The following COL19A1 variants were observed in gnomAD, a reference collection of about 807,000 sequenced individuals.
The protein encoded by COL19A1 is collagen type XIX alpha 1 chain.
Under a neutral mutation model 190.2 loss-of-function variants are expected in COL19A1, and 159 were observed. The ratio of observed to expected loss-of-function variants is 0.84; its 90% CI spans 0.73 to 0.95. The LOEUF (loss-of-function observed/expected upper bound fraction) is 0.95. Ranked by LOEUF, COL19A1 falls within the 40% of genes least tolerant of loss-of-function variation. The probability of loss-of-function intolerance (pLI) is 0.00; values close to 1 mark genes in which losing one functional copy is unlikely to be tolerated. For synonymous variants in COL19A1, 509 were observed against 458.9 expected (o/e 1.11, Z -1.39); for missense variants, 1,418 against 1,431.9 (o/e 0.99, Z 0.16).
chr6:70,056,223 A>C (rs1215061126), intron 14 of COL19A1, among the ~76,000 whole-genome samples: 1 of 152,136 alleles, frequency 6.6e-6, no homozygotes, highest in African/African-American at 2.4e-5. Context: ...CACATCTAAA[A>C]ATGTTTTGTT....
intron 31 of COL19A1, among the ~76,000 whole-genome samples, chr6:70,153,971 T>A (rs1177808138): frequency 1.3e-5 from 2 of 152,246 alleles, no homozygotes; most frequent in African/African-American, 4.8e-5. Context: ...GCATTTTTTT[T>A]ATGTACTTTA....
rs560765182 is a variant in COL19A1 at position 70,201,133 on chromosome 6, G to A, written c.3223+1397G>A. Among the ~76,000 whole-genome samples, 20 of 152,282 alleles carry A rather than the reference G, an allele frequency of 1.3e-4. No individual in the cohort carries two copies. In the South Asian group the frequency reaches 2.1e-3, roughly 16 times the overall value. ...GAAAATGTGTAATGCCTCAAGCCACGTGAAGAATAAGCAGCGTTAACACCA... is the reference window on the plus strand; with the variant it reads ...GAAAATGTGTAATGCCTCAAGCCACATGAAGAATAAGCAGCGTTAACACCA... On this transcript the variant is annotated intron_variant, in intron 49 of 50. Coordinates refer to ENST00000620364, the MANE Select transcript of COL19A1 (RefSeq NM_001858.6).
chr6:70,021,902 C>T (rs1279070564), intron 11 of COL19A1, among the ~76,000 whole-genome samples: 3 of 152,132 alleles, frequency 2.0e-5, no homozygotes, highest in African/African-American at 4.8e-5. Context: ...GCTTAAAATC[C>T]TCAGCTTTAT....
chr6:70,058,054 C>T (rs527400073), intron 14 of COL19A1, among the ~76,000 whole-genome samples: 1 of 152,148 alleles, frequency 6.6e-6, no homozygotes, highest in South Asian at 2.1e-4. Flanking sequence ...CAACATCATT[C>T]CAGATTCACA....
At chr6:69,886,006 T>G (rs878992614) in intron 2 of COL19A1, among the ~76,000 whole-genome samples, 29 of 152,108 alleles carry the variant, frequency 1.9e-4, no homozygotes, top group Admixed American at 1.9e-3. Context: ...ACTAAAACAC[T>G]TATACACAGT....
At chr6:70,047,420 T>A (rs1277202764) in intron 14 of COL19A1, among the ~76,000 whole-genome samples, 1 of 152,140 alleles carries the variant, frequency 6.6e-6, no homozygotes, top group African/African-American at 2.4e-5. Flanking sequence ...AAGGTCATAA[T>A]GAAAATCTGA....
intron 7 of COL19A1, 29 bp from the exon 8 acceptor site, chr6:69,936,756 A>AT (rs1431960205): frequency 6.2e-7 from 1 of 1,610,324 alleles, no homozygotes; most frequent in Non-Finnish European, 8.5e-7. Context: ...AATTGACCCC[A>AT]TTTCCTAAAG....
At chr6:70,051,456 G>C (rs1780195601) in intron 14 of COL19A1, among the ~76,000 whole-genome samples, 1 of 152,084 alleles carries the variant, frequency 6.6e-6, no homozygotes, top group South Asian at 2.1e-4. Context: ...CTTGCCCCCA[G>C]GTACCAGAAA....
chr6:70,036,093 G>T (rs754275982), intron 14 of COL19A1, among the ~76,000 whole-genome samples, 154 bp downstream of exon 14: 1 of 152,158 alleles, frequency 6.6e-6, no homozygotes, highest in Non-Finnish European at 1.5e-5. Flanking sequence ...TTTAAAGATG[G>T]GGCATCTGCC....
Position 70,146,643 on chromosome 6 carries a change from A to ATTTTTTT in COL19A1, c.1771-16_1771-15insTTTTTTT. 1 of 1,592,666 alleles carries ATTTTTTT rather than the reference A, an allele frequency of 6.3e-7. No individual in the cohort carries two copies. On this transcript the variant is annotated splice_polypyrimidine_tract_variant and intron_variant, in intron 25 of 50. Coordinates refer to ENST00000620364, the MANE Select transcript of COL19A1 (RefSeq NM_001858.6). ...TTTCTAGAAGAAGATATGTATTCAT[A>ATTTTTTT]CTTTTTTTCTTTTAGGGATTAGATG...
intron 16 of COL19A1, among the ~76,000 whole-genome samples, chr6:70,107,281 G>A (rs553769167): frequency 5.9e-4 from 90 of 152,228 alleles, no homozygotes; most frequent in African/African-American, 2.1e-3. Flanking sequence ...TGCAATCAAT[G>A]GCACTATCCT....
chr6:69,921,886 C>A (rs1054199045), intron 4 of COL19A1, among the ~76,000 whole-genome samples: 1 of 151,764 alleles, frequency 6.6e-6, no homozygotes. Context: ...TAAGGATCAG[C>A]GATATTTTTC....
Position 70,191,873 on chromosome 6 carries a change from G to A in COL19A1, c.3094+1492G>A, listed in dbSNP as rs190953969. Among the ~76,000 whole-genome samples, 404 of 152,042 alleles carry A rather than the reference G, an allele frequency of 2.7e-3. 2 individuals carry two copies. The highest frequency in any genetic ancestry group is 9.1e-3 in the African/African-American group (378 of 41,480). On this transcript the variant is annotated intron_variant, in intron 48 of 50. Coordinates refer to ENST00000620364, the MANE Select transcript of COL19A1 (RefSeq NM_001858.6). ...ATCTTGACTCCATTGCTTCAAACACGGACTCAGGTCTTCTCCAAGGAGTCT... is the reference window on the plus strand; with the variant it reads ...ATCTTGACTCCATTGCTTCAAACACAGACTCAGGTCTTCTCCAAGGAGTCT...
intron 11 of COL19A1, among the ~76,000 whole-genome samples, chr6:70,022,854 A>G (rs1778493432): frequency 6.6e-6 from 1 of 152,178 alleles, no homozygotes. Context: ...TTGGACAGTT[A>G]GGATGCTTCT....
intron 11 of COL19A1, chr6:69,974,010 T>G (rs1020115724): frequency 6.6e-6 from 1 of 152,214 alleles, no homozygotes; most frequent in African/African-American, 2.4e-5. Flanking sequence ...TGACTAGCTG[T>G]TTTGTAAGTT....
At chr6:70,113,917 C>G (rs575935598) in intron 16 of COL19A1, among the ~76,000 whole-genome samples, 8 of 129,352 alleles carry the variant, frequency 6.2e-5, no homozygotes, top group Non-Finnish European at 1.1e-4. Context: ...GTGGCGTGAT[C>G]TCAGCTAACT....
At chr6:70,019,361 T>A (rs1476850780) in intron 11 of COL19A1, among the ~76,000 whole-genome samples, 3 of 152,128 alleles carry the variant, frequency 2.0e-5, no homozygotes, top group Non-Finnish European at 4.4e-5. Flanking sequence ...ATTATTGCTA[T>A]TATCTATTGA....
intron 41 of COL19A1, among the ~76,000 whole-genome samples, chr6:70,174,209 C>G (rs1385565770): frequency 1.3e-5 from 2 of 152,182 alleles, no homozygotes; most frequent in Admixed American, 6.5e-5. Context: ...AGTGTGATGA[C>G]TGCTCAGCCC....
intron 14 of COL19A1, among the ~76,000 whole-genome samples, chr6:70,044,320 A>G (rs1779792470): frequency 6.6e-6 from 1 of 152,100 alleles, no homozygotes; most frequent in African/African-American, 2.4e-5. Context: ...TCATTTGTGT[A>G]TTCACTATAG....
Sources: gnomAD v4.1 joint callset for allele counts (sites outside exome capture counted in the v4.1 genomes callset) on GRCh38, gnomAD v4.1.1 for gene constraint, MANE v1.5 for transcripts, NCBI Gene and HGNC (gene_info 2026-07-23, HGNC 2026-07-21) for gene names.